The following KCNH5 variants were observed in gnomAD, a reference collection of about 807,000 sequenced individuals.
The protein encoded by KCNH5 is voltage-gated delayed rectifier potassium channel KCNH5.
Under a neutral mutation model 96.1 loss-of-function variants are expected in KCNH5, and 46 were observed. The ratio of observed to expected loss-of-function variants is 0.48; its 90% CI spans 0.38 to 0.61. The LOEUF (loss-of-function observed/expected upper bound fraction) is 0.61. Ranked by LOEUF, KCNH5 falls within the 20% of genes least tolerant of loss-of-function variation. The pLI, the probability that KCNH5 is intolerant of heterozygous loss-of-function variation, is 0.00. For missense variants in KCNH5, 907 were observed against 1,225.8 expected (o/e 0.74, Z 3.88); for synonymous variants, 439 against 449.8 (o/e 0.98, Z 0.30).
chr14:62,968,483 G>A (rs1204914489), intron 6 of KCNH5, among the ~76,000 whole-genome samples: 3 of 152,122 alleles, frequency 2.0e-5, no homozygotes, highest in Non-Finnish European at 4.4e-5. Flanking sequence ...TGGTAGGGTA[G>A]GTCATCTGAC....
At chr14:62,838,698 C>A (rs909451960) in intron 8 of KCNH5, among the ~76,000 whole-genome samples, 1 of 152,100 alleles carries the variant, frequency 6.6e-6, no homozygotes, top group Non-Finnish European at 1.5e-5. Flanking sequence ...AGAACATTGC[C>A]TTTACAGTGC....
chr14:62,952,239 T>C lies in KCNH5; in HGVS notation c.943-1680A>G, dbSNP rs1890021413. On this transcript the variant is annotated intron_variant, in intron 6 of 10. Transcript: ENST00000322893. The stretch of plus-strand genomic sequence containing the variant: ...TATACAGCCTAAAAACAAATTCCCA[T>C]TTCACTTTAACACTTGGGGGAAAAA... 2.0e-5 allele frequency among the ~76,000 whole-genome samples: 3 copies of C among 152,148 alleles called. No homozygotes were observed. The South Asian group carries it at 6.2e-4, about 31-fold the overall frequency.
chr14:62,978,496 AG>A (rs1214123378), intron 6 of KCNH5, among the ~76,000 whole-genome samples: 1 of 151,722 alleles, frequency 6.6e-6, no homozygotes, highest in Non-Finnish European at 1.5e-5. Context: ...CTGAGGCCGG[AG>A]AATGGCGTGA....
At chr14:62,994,651 TC>T (rs1890873889) in intron 4 of KCNH5, among the ~76,000 whole-genome samples, 1 of 152,052 alleles carries the variant, frequency 6.6e-6, no homozygotes, top group Admixed American at 6.6e-5. Flanking sequence ...AACCTGTGCT[TC>T]ATTTTTGTGG....
intron 8 of KCNH5, among the ~76,000 whole-genome samples, chr14:62,837,133 C>T (rs1042731846): frequency 1.3e-5 from 2 of 152,164 alleles, no homozygotes; most frequent in African/African-American, 4.8e-5. Context: ...CCCTCTGACT[C>T]TTGGTCTGCA....
intron 7 of KCNH5, among the ~76,000 whole-genome samples, chr14:62,913,133 A>C (rs1202526936): frequency 1.3e-5 from 2 of 152,248 alleles, no homozygotes; most frequent in African/African-American, 2.4e-5. Context: ...ATGAAGCTGC[A>C]GAATAAATCT....
At chr14:62,953,264 C>T (rs1010390346) in intron 6 of KCNH5, among the ~76,000 whole-genome samples, 8 of 152,018 alleles carry the variant, frequency 5.3e-5, no homozygotes, top group African/African-American at 1.9e-4. Flanking sequence ...TTTTAGCCAA[C>T]CCTCCAACTG....
chr14:62,923,932 C>T (rs529476943), intron 7 of KCNH5, among the ~76,000 whole-genome samples: 7 of 151,798 alleles, frequency 4.6e-5, no homozygotes, highest in African/African-American at 1.4e-4. Context: ...TGATATGACA[C>T]CAAAAGTACA....
At chr14:62,769,557 G>A (rs894960901) in intron 10 of KCNH5, among the ~76,000 whole-genome samples, 1 of 152,236 alleles carries the variant, frequency 6.6e-6, no homozygotes. Flanking sequence ...AGCTGGTGCT[G>A]CAGGACTGTG....
chr14:63,010,130 T>C (rs1891198493), intron 2 of KCNH5, among the ~76,000 whole-genome samples: 1 of 152,202 alleles, frequency 6.6e-6, no homozygotes, highest in Admixed American at 6.5e-5. Flanking sequence ...AATCTATCTC[T>C]GTTATAATAT....
At chr14:62,840,566 C>CTTTTTTTTTTTTTTTTTTTT (rs71120238) in intron 8 of KCNH5, among the ~76,000 whole-genome samples, 5 of 76,366 alleles carry the variant, frequency 6.5e-5, no homozygotes, top group African/African-American at 1.2e-4. Context: ...TCTTTTTTTT[C>CTTTTTTTTTTTTTTTTTTTT]TTTTTTTTTT....
intron 8 of KCNH5, among the ~76,000 whole-genome samples, chr14:62,832,750 T>C (rs1160057696): frequency 6.6e-6 from 1 of 152,190 alleles, no homozygotes; most frequent in Non-Finnish European, 1.5e-5. Flanking sequence ...CCAGTTTCTC[T>C]ATATCCTTGC....
intron 8 of KCNH5, among the ~76,000 whole-genome samples, chr14:62,804,891 ACT>A (rs1011562307): frequency 6.6e-6 from 1 of 152,014 alleles, no homozygotes; most frequent in Non-Finnish European, 1.5e-5. Context: ...TGTTGCTTAA[ACT>A]CTCTACAAAA....
chr14:62,831,253 T>C (rs1887342887), intron 8 of KCNH5, among the ~76,000 whole-genome samples: 1 of 152,196 alleles, frequency 6.6e-6, no homozygotes, highest in Admixed American at 6.5e-5. Context: ...ACTTTATTGG[T>C]TTGGATAGGT....
At chr14:62,734,366 G>A (rs1885112733) in intron 10 of KCNH5, among the ~76,000 whole-genome samples, 1 of 152,146 alleles carries the variant, frequency 6.6e-6, no homozygotes, top group Non-Finnish European at 1.5e-5. Context: ...CTCAGTTTTA[G>A]CAGCTGGAAC....
At chr14:62,970,044 T>TAAAAAAAAAAAAAAAAA (rs373852520) in intron 6 of KCNH5, among the ~76,000 whole-genome samples, 6 of 30,404 alleles carry the variant, frequency 2.0e-4, no homozygotes, top group Non-Finnish European at 3.9e-4. Flanking sequence ...AGACTCCGTC[T>TAAAAAAAAAAAAAAAAA]AAAAAAAAAA....
intron 7 of KCNH5, among the ~76,000 whole-genome samples, chr14:62,944,970 C>A (rs1889858574): frequency 6.6e-6 from 1 of 151,998 alleles, no homozygotes; most frequent in Admixed American, 6.6e-5. Context: ...AAGAAAACAA[C>A]CAACTTTAAA....
chr14:63,031,843 T>C (rs1358514724), intron 1 of KCNH5, among the ~76,000 whole-genome samples: 4 of 152,258 alleles, frequency 2.6e-5, no homozygotes, highest in African/African-American at 7.2e-5. Flanking sequence ...TTTATATGTA[T>C]ATAAAAACAA....
chr14:62,894,592 T>C (rs927862971), intron 7 of KCNH5, among the ~76,000 whole-genome samples: 1 of 152,182 alleles, frequency 6.6e-6, no homozygotes, highest in Non-Finnish European at 1.5e-5. Context: ...CAACACCCCC[T>C]AGAACAACCT....
Sources: gnomAD v4.1 joint callset for allele counts (sites outside exome capture counted in the v4.1 genomes callset) on GRCh38, gnomAD v4.1.1 for gene constraint, MANE v1.5 for transcripts, NCBI Gene and HGNC (gene_info 2026-07-23, HGNC 2026-07-21) for gene names.